ST8SIA6: variants seen among roughly 807,000 people sequenced by gnomAD.
ST8SIA6 encodes alpha-2,8-sialyltransferase 8F.
A neutral mutation model predicts 33.6 loss-of-function variants in ST8SIA6; 39 were observed. That is an observed-to-expected ratio of 1.16 (90% CI 0.90 to 1.52). The LOEUF is 1.52. Ranked by LOEUF, ST8SIA6 falls within the 40% of genes most tolerant of loss-of-function variation. The pLI, the probability that ST8SIA6 is intolerant of heterozygous loss-of-function variation, is 0.00. For missense variants in ST8SIA6, 441 were observed against 443.8 expected (o/e 0.99, Z 0.06); for synonymous variants, 172 against 167.2 (o/e 1.03, Z -0.22).
At chr10:17,346,932 C>G (rs1848858949) in intron 4 of ST8SIA6, among the ~76,000 whole-genome samples, 2 of 152,186 alleles carry the variant, frequency 1.3e-5, no homozygotes, top group South Asian at 4.1e-4. Flanking sequence ...CAAGGGCTAG[C>G]ACATCTAAAA....
intron 4 of ST8SIA6, among the ~76,000 whole-genome samples, chr10:17,358,047 C>T (rs7923016): frequency 0.12 from 18,711 of 152,224 alleles, 1,262 homozygotes; most frequent in South Asian, 0.18. Context: ...CATAAAACGT[C>T]CTGGAAATGA....
At chr10:17,333,745 A>G (rs1433090762) in intron 4 of ST8SIA6, among the ~76,000 whole-genome samples, 1 of 30,112 alleles carries the variant, frequency 3.3e-5, no homozygotes, top group Non-Finnish European at 5.4e-5. Flanking sequence ...TTTTTTTGCT[A>G]CAGTCTTGCT....
intron 2 of ST8SIA6, among the ~76,000 whole-genome samples, chr10:17,424,761 A>G (rs1451033518): frequency 2.0e-5 from 3 of 149,372 alleles, no homozygotes; most frequent in African/African-American, 4.9e-5. Context: ...TTTTTGAAAC[A>G]GAGTCTCGGT....
chr10:17,351,170 T>C (rs1849018199), intron 4 of ST8SIA6, among the ~76,000 whole-genome samples: 1 of 151,992 alleles, frequency 6.6e-6, no homozygotes. Flanking sequence ...ACTTCACACC[T>C]GGCCTAGTGC....
intron 7 of ST8SIA6, among the ~76,000 whole-genome samples, chr10:17,322,240 GAGAAAA>G (rs1043411673): frequency 2.0e-4 from 15 of 75,610 alleles, no homozygotes; most frequent in South Asian, 1.1e-3. Flanking sequence ...GAAAAAGAAA[GAGAAAA>G]AGAAAGGAAA....
intron 2 of ST8SIA6, among the ~76,000 whole-genome samples, chr10:17,432,542 A>G (rs1306463826): frequency 6.6e-6 from 1 of 152,222 alleles, no homozygotes; most frequent in East Asian, 1.9e-4. Flanking sequence ...AGGAAAAAAT[A>G]TAGCCAACAA....
Position 17,355,785 on chromosome 10 carries a change from C to G in ST8SIA6, c.377+3729G>C, listed in dbSNP as rs140210727. On this transcript the variant is annotated intron_variant, in intron 4 of 7. Coordinates refer to ENST00000377602, the MANE Select transcript of ST8SIA6 (RefSeq NM_001004470.3). Reference sequence around the variant, plus strand: ...GGACTTTACTCTGATAACCAGATCTCCATGCATCAGATCCTTCCTTGTCTA... The same window carrying G: ...GGACTTTACTCTGATAACCAGATCTGCATGCATCAGATCCTTCCTTGTCTA... 1.0e-3 allele frequency among the ~76,000 whole-genome samples: 154 copies of G among 152,306 alleles called. 1 individual carries two copies. In the East Asian group the frequency reaches 0.027, roughly 26 times the overall value.
chr10:17,357,096 C>G (rs1165345749), intron 4 of ST8SIA6, among the ~76,000 whole-genome samples: 2 of 151,790 alleles, frequency 1.3e-5, no homozygotes, highest in Non-Finnish European at 1.5e-5. Context: ...CTAAATCCAG[C>G]TCAGGATGGA....
intron 3 of ST8SIA6, among the ~76,000 whole-genome samples, chr10:17,363,514 A>C (rs774632808): frequency 2.6e-5 from 4 of 152,058 alleles, no homozygotes; most frequent in Admixed American, 1.3e-4. Context: ...CTTTTGGCTG[A>C]CTCGTGGACT....
At chr10:17,331,587 A>G (rs964885168) in intron 4 of ST8SIA6, 35 bp from the exon 5 acceptor site, 3 of 1,581,684 alleles carry the variant, frequency 1.9e-6, no homozygotes, top group Non-Finnish European at 2.6e-6. Context: ...AAGCCAAAGT[A>G]TAAGATTAAG....
chr10:17,366,997 C>A (rs1409728430), intron 3 of ST8SIA6, among the ~76,000 whole-genome samples: 2 of 152,140 alleles, frequency 1.3e-5, no homozygotes, highest in Non-Finnish European at 2.9e-5. Flanking sequence ...ATTTATAGCA[C>A]AAACAGCAAT....
chr10:17,325,262 T>C (rs1309030072), intron 6 of ST8SIA6, among the ~76,000 whole-genome samples: 1 of 144,720 alleles, frequency 6.9e-6, no homozygotes, highest in African/African-American at 2.5e-5. Flanking sequence ...CTATATTATA[T>C]ACTATACAAT....
chr10:17,374,940 A>G (rs1020306360), intron 3 of ST8SIA6, among the ~76,000 whole-genome samples: 1 of 150,516 alleles, frequency 6.6e-6, no homozygotes, highest in African/African-American at 2.4e-5. Flanking sequence ...TTCCAGTTTC[A>G]TATATATATA....
chr10:17,374,336 TG>T (rs1351259137), intron 3 of ST8SIA6, among the ~76,000 whole-genome samples: 1 of 152,184 alleles, frequency 6.6e-6, no homozygotes, highest in African/African-American at 2.4e-5. Context: ...AAGTACAGAA[TG>T]ATTGTTAAAC....
chr10:17,331,301 A>G, intron 5 of ST8SIA6, 107 bp downstream of exon 5: 1 of 1,371,804 alleles, frequency 7.3e-7, no homozygotes, highest in Non-Finnish European at 9.8e-7. Flanking sequence ...CAACATAACA[A>G]TATGGTATTT....
intron 4 of ST8SIA6, among the ~76,000 whole-genome samples, chr10:17,340,376 T>G (rs1009855942): frequency 2.6e-5 from 4 of 152,086 alleles, no homozygotes; most frequent in African/African-American, 4.8e-5. Flanking sequence ...GTGTCACCTT[T>G]AGTCACGTGT....
chr10:17,374,415 C>G (rs1403404508), intron 3 of ST8SIA6, among the ~76,000 whole-genome samples: 1 of 151,434 alleles, frequency 6.6e-6, no homozygotes, highest in African/African-American at 2.4e-5. Context: ...CTATCATACT[C>G]TCAATATTAT....
rs181409953 is a variant in ST8SIA6 at position 17,420,368 on chromosome 10, C to T, written c.201-29748G>A. On this transcript the variant is annotated intron_variant, in intron 2 of 7. Transcript: ENST00000377602. ...CGGAGCTTGCAGTGAGCTGAGATCACGCCACTGCACTCCAGCCTGGGCGAC... is the reference window on the plus strand; with the variant it reads ...CGGAGCTTGCAGTGAGCTGAGATCATGCCACTGCACTCCAGCCTGGGCGAC... 4.6e-3 allele frequency among the ~76,000 whole-genome samples: 696 copies of T among 151,986 alleles called. 3 individuals carry two copies. Among genetic ancestry groups the T allele is most frequent in the Non-Finnish European group, 8.3e-3 (563 of 67,980 alleles).
intron 2 of ST8SIA6, among the ~76,000 whole-genome samples, chr10:17,422,552 C>T (rs1440856679): frequency 2.0e-5 from 3 of 152,232 alleles, no homozygotes; most frequent in Non-Finnish European, 4.4e-5. Flanking sequence ...TTCTACTCCT[C>T]TCTCGCTGCC....
Sources: gnomAD v4.1 joint callset for allele counts (sites outside exome capture counted in the v4.1 genomes callset) on GRCh38, gnomAD v4.1.1 for gene constraint, MANE v1.5 for transcripts, NCBI Gene and HGNC (gene_info 2026-07-23, HGNC 2026-07-21) for gene names.